The following ANK1 variants were observed in gnomAD, a reference collection of about 807,000 sequenced individuals.
ANK1 encodes ankyrin 1, also known as ankyrin-1.
In ANK1, 51 loss-of-function variants were observed where a neutral mutation model predicts 210.4. That is an observed-to-expected ratio of 0.24 (90% CI 0.19 to 0.31). The LOEUF (loss-of-function observed/expected upper bound fraction) is 0.31, where lower values mean the gene tolerates loss of function less well. ANK1 is among the 10% of genes least tolerant of loss of function. The probability of loss-of-function intolerance (pLI) is 1.00; values close to 1 mark genes in which losing one functional copy is unlikely to be tolerated. For missense variants in ANK1, 2,051 were observed against 2,504.4 expected (o/e 0.82, Z 3.86); for synonymous variants, 967 against 1,025.9 (o/e 0.94, Z 1.10).
intron 22 of ANK1, among the ~76,000 whole-genome samples, chr8:41,699,817 C>T (rs1211854332): frequency 1.3e-5 from 2 of 152,208 alleles, no homozygotes; most frequent in African/African-American, 4.8e-5. Context: ...ACTTTGTTCG[C>T]TTAGTTCCAA....
At chr8:41,716,792 C>A (rs757102349) in intron 13 of ANK1, among the ~76,000 whole-genome samples, 161 bp downstream of exon 13, 17 of 152,184 alleles carry the variant, frequency 1.1e-4, no homozygotes, top group African/African-American at 3.9e-4. Flanking sequence ...TCTCAAACCC[C>A]CTGCAAAGCA....
intron 2 of ANK1, among the ~76,000 whole-genome samples, chr8:41,744,725 C>T (rs569013622): frequency 5.3e-4 from 81 of 152,086 alleles, no homozygotes; most frequent in South Asian, 6.2e-4. Flanking sequence ...TTAGTAGAGA[C>T]GGGGTTTCAC....
Position 41,686,209 on chromosome 8 carries a change from C to T in ANK1, c.4333G>A (p.Glu1445Lys), listed in dbSNP as rs763316876. Residue 1445 changes from glutamate (E) to lysine (K), a missense_variant, in exon 36 of 43, where the codon GAG (glutamate) becomes AAG (lysine). Physicochemically the swap from Glu to Lys is moderately conservative, Grantham distance 56. Around this residue, in one of 6 missense-constraint regions of ANK1, gnomAD observed 39 missense variants for 75.1 expected, o/e 0.52. Coordinates refer to ENST00000289734, the MANE Select transcript of ANK1 (RefSeq NM_000037.4). The part of the protein sequence containing the change: ...IRVENPNSLL[E>K]QSVALLNLWV... The stretch of plus-strand genomic sequence containing the variant: ...AGGTTCAGCAAGGCCACACTCTGCT[C>T]CAACAGGGAGTTGGGATTTTCCACT... 1 of 1,614,210 alleles carries T rather than the reference C, an allele frequency of 6.2e-7. No homozygotes were observed. The highest frequency in any genetic ancestry group is 1.1e-5 in the South Asian group (1 of 91,082).
intron 1 of ANK1, among the ~76,000 whole-genome samples, chr8:41,833,170 C>T (rs544071386): frequency 5.3e-5 from 8 of 151,806 alleles, no homozygotes; most frequent in South Asian, 2.1e-4. Context: ...AGGCCCATCC[C>T]GGGCCTCCCT....
At position 41,727,866 on chromosome 8, in the gene ANK1, T is replaced by G. The variant is rs2304872; in HGVS notation, c.327+42A>C. 0.27 allele frequency: 430,853 copies of G among 1,599,656 alleles called. 60,548 individuals are homozygous for G. Among genetic ancestry groups the G allele is most frequent in the South Asian group, 0.29 (25,905 of 90,754 alleles). On this transcript the variant is annotated intron_variant, in intron 4 of 42. Transcript: ENST00000289734. ...GGGAGCAGCAAAGAGGAACCACCTG[T>G]GGAAAGGCAACACCCTCTAGTCCAG...
chr8:41,821,776 G>A (rs1334330531), intron 1 of ANK1, among the ~76,000 whole-genome samples: 4 of 152,062 alleles, frequency 2.6e-5, no homozygotes, highest in Non-Finnish European at 4.4e-5. Flanking sequence ...GGCCAGGCGC[G>A]GTGGCTTATG....
Position 41,695,238 on chromosome 8 carries a change from C to T in ANK1, c.3054G>A (p.Lys1018=). 1 of 1,614,174 alleles carries T rather than the reference C, an allele frequency of 6.2e-7. No homozygotes were observed. The highest frequency in any genetic ancestry group is 8.5e-7 in the Non-Finnish European group (1 of 1,180,054). Reference sequence around the variant, plus strand: ...TCTCTCCATAGCGGCTCCTGTGCTCCTTCCACACGGAGCCGTTTTCGCTCC... The same window carrying T: ...TCTCTCCATAGCGGCTCCTGTGCTCTTTCCACACGGAGCCGTTTTCGCTCC... ...VLRSENGSVW[K]EHRSRYGESY... is the part of the protein sequence containing the mutation. The change falls in exon 27 of 43, where the codon AAG becomes AAA. Residue 1018 remains lysine, a synonymous_variant. Transcript: ENST00000289734.
chr8:41,881,590 C>T (rs1316528006), intron 1 of ANK1, among the ~76,000 whole-genome samples: 1 of 152,212 alleles, frequency 6.6e-6, no homozygotes, highest in Non-Finnish European at 1.5e-5. Context: ...GTGTTACATG[C>T]TTTCAAAACA....
chr8:41,852,197 C>T (rs1363490312), intron 1 of ANK1, among the ~76,000 whole-genome samples: 9 of 152,074 alleles, frequency 5.9e-5, no homozygotes, highest in Admixed American at 4.6e-4. Flanking sequence ...GAGGTCACGG[C>T]GATGCCTTGG....
At position 41,672,413 on chromosome 8, in the gene ANK1, C is replaced by T; in HGVS notation, c.5037G>A (p.Gly1679=). The T allele has an allele frequency of 6.2e-7, 1 of 1,614,196 alleles. No homozygotes were observed. Among genetic ancestry groups the T allele is most frequent in the South Asian group, 1.1e-5 (1 of 91,082 alleles). The part of the protein sequence containing the change: ...EVSLVSGHQR[G]QARITHSPTV... ...TGGGGGAATGTGTGATTCGGGCTTG[C>T]CCCCTCTGATGGCCTGAAACAAGAG... Residue 1679 remains glycine (G), a synonymous_variant, in exon 38 of 43, where the codon GGG becomes GGA. Transcript: ENST00000289734.
intron 10 of ANK1, 68 bp from the exon 11 acceptor site, chr8:41,718,272 AC>A: frequency 1.3e-6 from 2 of 1,507,762 alleles, no homozygotes; most frequent in Non-Finnish European, 1.8e-6. Flanking sequence ...CGCCCAGAAG[AC>A]CACCTGGCTG....
chr8:41,685,360 T>C (rs1817434123), intron 36 of ANK1, among the ~76,000 whole-genome samples: 1 of 152,278 alleles, frequency 6.6e-6, no homozygotes, highest in Admixed American at 6.5e-5. Flanking sequence ...CCTTGCCAGA[T>C]GATTTGAGAT....
intron 6 of ANK1, 59 bp downstream of exon 6, chr8:41,725,702 T>C: frequency 6.4e-7 from 1 of 1,569,018 alleles, no homozygotes; most frequent in Non-Finnish European, 8.6e-7. Context: ...GCGTGCGCGG[T>C]GCCCCCTGAG....
At chr8:41,889,016 T>C (rs1818932696) in intron 1 of ANK1, among the ~76,000 whole-genome samples, 1 of 152,244 alleles carries the variant, frequency 6.6e-6, no homozygotes, top group Non-Finnish European at 1.5e-5. Flanking sequence ...AGTTTTTAAA[T>C]TTTTTGTGGA....
At chr8:41,673,058 C>T in intron 37 of ANK1, 146 bp from the exon 38 acceptor site, 1 of 880,336 alleles carries the variant, frequency 1.1e-6, no homozygotes, top group Non-Finnish European at 1.8e-6. Flanking sequence ...GGGGGCTTTC[C>T]AAGCTCCAGG....
chr8:41,867,933 C>T (rs1180997956), intron 1 of ANK1, among the ~76,000 whole-genome samples: 2 of 152,242 alleles, frequency 1.3e-5, no homozygotes, highest in African/African-American at 4.8e-5. Flanking sequence ...AATCTCAGCT[C>T]ACTGCAACCT....
intron 1 of ANK1, among the ~76,000 whole-genome samples, chr8:41,815,863 T>C (rs1205036717): frequency 6.6e-6 from 1 of 152,200 alleles, no homozygotes; most frequent in Non-Finnish European, 1.5e-5. Flanking sequence ...AACCCAAGTA[T>C]ATTTTGTCTC....
At chr8:41,774,967 G>A (rs6474361) in intron 1 of ANK1, among the ~76,000 whole-genome samples, 143,565 of 152,326 alleles carry the variant, frequency 0.94, 67,825 homozygotes, top group South Asian at 1. Flanking sequence ...CTTCCTCTGC[G>A]GCCTGCTGGT....
intron 2 of ANK1, among the ~76,000 whole-genome samples, chr8:41,753,774 G>C (rs74686524): frequency 6.6e-6 from 1 of 151,216 alleles, no homozygotes; most frequent in African/African-American, 2.4e-5. Flanking sequence ...TGTGACTCTC[G>C]CCCCTACCTG....
Sources: allele counts gnomAD v4.1 joint callset (sites outside exome capture counted in the v4.1 genomes callset), GRCh38; gene constraint gnomAD v4.1.1; regional missense constraint gnomAD v4.1.1; transcripts MANE v1.5; gene names NCBI Gene and HGNC (gene_info 2026-07-23, HGNC 2026-07-21).